The following AHNAK variants were observed in gnomAD, a reference collection of about 807,000 sequenced individuals.
The protein encoded by AHNAK is AHNAK nucleoprotein.
In AHNAK, 23 loss-of-function variants were observed where a neutral mutation model predicts 37.8. The observed-to-expected ratio is 0.61, with a 90% CI of 0.44 to 0.86. AHNAK has a LOEUF of 0.86. Among genes scored for constraint, AHNAK ranks in the 40% least tolerant of loss-of-function variants. The pLI is 0.00. For missense variants in AHNAK, 7,411 were observed against 7,319.4 expected, an observed-to-expected ratio of 1.01 and a Z score of -0.46; for synonymous variants, 2,481 against 2,636.3, an observed-to-expected ratio of 0.94 and a Z score of 1.80.
intron 5 of AHNAK, among the ~76,000 whole-genome samples, chr11:62,475,852 G>A (rs1447095366): frequency 2.0e-5 from 3 of 151,908 alleles, no homozygotes; most frequent in Non-Finnish European, 4.4e-5. Context: ...TGATCCGCCC[G>A]CCTCAGTCTC....
At chr11:62,453,629 T>C (rs1221277214) in intron 5 of AHNAK, among the ~76,000 whole-genome samples, 2 of 152,162 alleles carry the variant, frequency 1.3e-5, no homozygotes, top group African/African-American at 4.8e-5. Flanking sequence ...CATTCAAGGC[T>C]GTCTCAGTCC....
In AHNAK at chr11:62,537,022, C is replaced by T. The variant is rs11231131; in HGVS notation, c.-99-455G>A. ...CAGGCTGGAGTGCAATAGCGGATCT[C>T]GGCTCGCTGCAAGCTCCACCTCCCG... On this transcript the variant is annotated intron_variant, in intron 1 of 4. Coordinates refer to ENST00000378024, the MANE Select transcript of AHNAK (RefSeq NM_001620.3). Among the ~76,000 whole-genome samples the T allele has an allele frequency of 3.1e-4, 47 of 150,856 alleles. No individual in the cohort carries two copies. In the East Asian group the frequency reaches 4.7e-3, roughly 15 times the overall value.
At chr11:62,482,469 T>C (rs1320631381) in intron 5 of AHNAK, among the ~76,000 whole-genome samples, 1 of 152,068 alleles carries the variant, frequency 6.6e-6, no homozygotes. Context: ...TGGGTTCAAA[T>C]ACTGGCTTTG....
intron 4 of AHNAK, among the ~76,000 whole-genome samples, chr11:62,493,900 G>C (rs936713251): frequency 6.6e-6 from 1 of 152,066 alleles, no homozygotes; most frequent in African/African-American, 2.4e-5. Context: ...CTTCATTAGA[G>C]TTTTCTAGAT....
chr11:62,476,150 G>T (rs539699446), intron 5 of AHNAK, among the ~76,000 whole-genome samples: 1 of 152,274 alleles, frequency 6.6e-6, no homozygotes, highest in South Asian at 2.1e-4. Context: ...CTGGCCGGAC[G>T]GCTGAGGCAG....
At chr11:62,493,311 G>T (rs1486679689) in intron 4 of AHNAK, among the ~76,000 whole-genome samples, 4 of 147,916 alleles carry the variant, frequency 2.7e-5, no homozygotes, top group Non-Finnish European at 3.0e-5. Flanking sequence ...ATCATGCTCG[G>T]CCTGTTTTCT....
intron 4 of AHNAK, among the ~76,000 whole-genome samples, chr11:62,508,583 A>C (rs7123692): frequency 0.084 from 12,740 of 152,308 alleles, 1,203 homozygotes; most frequent in African/African-American, 0.23. Context: ...GTGTGGTGGA[A>C]AATAACAGAG....
Position 62,520,160 on chromosome 11 carries a change from G to C in AHNAK, c.14257C>G (p.Pro4753Ala), listed in dbSNP as rs1485364411. ...TTTGGGCCCTTGATGTCAGCTTCTGGGCCCTTGAGGTCACCTTCCACTTTA... is the reference window on the plus strand; with the variant it reads ...TTTGGGCCCTTGATGTCAGCTTCTGCGCCCTTGAGGTCACCTTCCACTTTA... Reference protein sequence around the residue: ...LPKVEGDLKGPEADIKGPKVD... With the variant: ...LPKVEGDLKGAEADIKGPKVD... Residue 4753 changes from proline to alanine, a missense_variant, in exon 5 of 5, where the codon CCA becomes GCA. Pro to Ala is a conservative substitution (Grantham distance 27). Transcript: ENST00000378024. The C allele has an allele frequency of 6.2e-7, 1 of 1,613,212 alleles. No individual in the cohort carries two copies. Among genetic ancestry groups the C allele is most frequent in the Non-Finnish European group, 8.5e-7 (1 of 1,179,914 alleles).
chr11:62,473,382 T>C (rs1590610523), intron 5 of AHNAK, among the ~76,000 whole-genome samples: 2 of 76,834 alleles, frequency 2.6e-5, no homozygotes, highest in East Asian at 4.3e-4. Flanking sequence ...AGGTCGAGAC[T>C]CCATCTAAAA....
chr11:62,517,603 G>C lies in AHNAK; in HGVS notation c.16814C>G (p.Ala5605Gly), dbSNP rs1460342919. Residue 5605 changes from alanine (A) to glycine (G), a missense_variant, in exon 5 of 5, where the codon GCT becomes GGT. Coordinates refer to ENST00000378024, the MANE Select transcript of AHNAK (RefSeq NM_001620.3). ...AAACTTAGATGTGTCCAAGTTGAGA[G>C]CAGAGGAGACTTGGGGTCCCTTCCA... ...GEWKGPQVSS[A>G]LNLDTSKFAG... The C allele has an allele frequency of 6.2e-7, 1 of 1,614,006 alleles. No individual in the cohort carries two copies. The highest frequency in any genetic ancestry group is 8.5e-7 in the Non-Finnish European group (1 of 1,180,040).
At position 62,476,867 on chromosome 11, in the gene AHNAK, C is replaced by G. The variant is rs371793342; in HGVS notation, c.442+14865G>C. Among the ~76,000 whole-genome samples the G allele has an allele frequency of 1.5e-4, 23 of 152,288 alleles. 1 individual carries two copies. In the East Asian group the frequency reaches 4.4e-3, roughly 29 times the overall value. Reference sequence around the variant, plus strand: ...CTGCTGCCAGTCTGATCCACTACAGCTTTCTGAATCCTGGCAAAACCATTA... The same window carrying G: ...CTGCTGCCAGTCTGATCCACTACAGGTTTCTGAATCCTGGCAAAACCATTA... On this transcript the variant is annotated intron_variant, in intron 5 of 5. Coordinates refer to the AHNAK transcript ENST00000257247.
chr11:62,528,527 C>G lies in AHNAK; in HGVS notation c.5890G>C (p.Glu1964Gln), dbSNP rs142236078. The change falls in exon 5 of 5, where the codon GAG becomes CAG. Residue 1964 changes from glutamate (E) to glutamine (Q), a missense_variant. Physicochemically the swap from Glu to Gln is conservative, Grantham distance 29. Coordinates refer to ENST00000378024, the MANE Select transcript of AHNAK (RefSeq NM_001620.3). ...AACTTTGCATCAGGACACTCCAGCT[C>G]AACATCAGGCACCTCCACACCCACA... ...PSVGVEVPDV[E>Q]LECPDAKLKG... The G allele has an allele frequency of 6.2e-7, 1 of 1,611,992 alleles. No homozygotes were observed. The highest frequency in any genetic ancestry group is 8.5e-7 in the Non-Finnish European group (1 of 1,179,686).
chr11:62,474,800 C>G (rs1207308581), intron 5 of AHNAK, among the ~76,000 whole-genome samples: 1 of 152,142 alleles, frequency 6.6e-6, no homozygotes, highest in African/African-American at 2.4e-5. Flanking sequence ...AAACAATGTC[C>G]CAACATCCTG....
chr11:62,531,897 C>T lies in AHNAK; in HGVS notation c.2520G>A (p.Met840Ile), dbSNP rs373830353. 1.2e-5 allele frequency: 19 copies of T among 1,613,224 alleles called. No homozygotes were observed. Among genetic ancestry groups the T allele is most frequent in the Non-Finnish European group, 1.5e-5 (18 of 1,179,884 alleles). The change falls in exon 5 of 5, where the codon ATG becomes ATA. Residue 840 changes from methionine to isoleucine, a missense_variant. Transcript: ENST00000378024. ...CTTTAATCTCACTTTCAACCTTTGG[C>T]ATTGTGACATCATATTCTCCCTTTA... ...PNVKGEYDVT[M>I]PKVESEIKVP...
chr11:62,441,974 C>G (rs1938316124), intron 5 of AHNAK, among the ~76,000 whole-genome samples: 1 of 152,114 alleles, frequency 6.6e-6, no homozygotes, highest in Non-Finnish European at 1.5e-5. Flanking sequence ...GGTGGGGTCA[C>G]AAGTCGGCGC....
rs201141229 is a variant in AHNAK, at chr11:62,528,310, T to A, written c.6107A>T (p.Asp2036Val). The A allele has an allele frequency of 2.5e-6, 4 of 1,614,106 alleles. No homozygotes were observed. Among genetic ancestry groups the A allele is most frequent in the Non-Finnish European group, 3.4e-6 (4 of 1,180,048 alleles). ...CCAGTCTGGGCCATGAACATCCACA[T>A]CTGGGGCATCAATGTCCATTTTGGG... ...KGPKMDIDAP[D>V]VDVHGPDWHL... The change falls in exon 5 of 5, where the codon GAT (aspartate) becomes GTT (valine). Residue 2036 changes from aspartate to valine, a missense_variant. Physicochemically the swap from Asp to Val is radical, Grantham distance 152. Coordinates refer to ENST00000378024, the MANE Select transcript of AHNAK (RefSeq NM_001620.3).
At chr11:62,543,750 GGGACGAAGAGAAGTCAGAA>G (rs1403446219) in intron 1 of AHNAK, among the ~76,000 whole-genome samples, 7 of 152,156 alleles carry the variant, frequency 4.6e-5, no homozygotes, top group Non-Finnish European at 1.0e-4. Flanking sequence ...GAATCGATGG[GGGACGAAGAGAAGTCAGAA>G]GGCCCTCCAT....
rs777799739 is a variant in AHNAK at position 62,524,462 on chromosome 11, C to T, written c.9955G>A (p.Glu3319Lys). Reference protein sequence around the residue: ...GDVDVSGPKLEGDIKAPSLDI... With the variant: ...GDVDVSGPKLKGDIKAPSLDI... ...AAACTGGGAGCTTTAATGTCACCTT[C>T]CAACTTGGGCCCAGAGACATCAACA... Residue 3319 changes from glutamate to lysine, a missense_variant, in exon 5 of 5, where the codon GAA (glutamate) becomes AAA (lysine). Glu to Lys is a moderately conservative substitution (Grantham distance 56, BLOSUM62 1). Transcript: ENST00000378024. 3 of 1,614,066 alleles carry T rather than the reference C, an allele frequency of 1.9e-6. No homozygotes were observed. The highest frequency in any genetic ancestry group is 2.5e-6 in the Non-Finnish European group (3 of 1,180,000).
Position 62,529,804 on chromosome 11 carries a change from T to G in AHNAK, c.4613A>C (p.Asp1538Ala), listed in dbSNP as rs750036106. 19 of 1,614,154 alleles carry G rather than the reference T, an allele frequency of 1.2e-5. No homozygotes were observed. The South Asian group carries it at 2.0e-4, about 17-fold the overall frequency. The change falls in exon 5 of 5, where the codon GAC becomes GCC. Residue 1538 changes from aspartate (D) to alanine (A), a missense_variant. By Grantham distance (126) the Asp-to-Ala change is moderately radical. Coordinates refer to ENST00000378024, the MANE Select transcript of AHNAK (RefSeq NM_001620.3). ...CACCTTGGGTCCTGAAACACCAAGG[T>G]CAGCCTTGGGCAGGTTCATATCCAC... ...PEVDMNLPKA[D>A]LGVSGPKVDI...
Sources: allele counts gnomAD v4.1 joint callset (sites outside exome capture counted in the v4.1 genomes callset), GRCh38; gene constraint gnomAD v4.1.1; transcripts MANE v1.5; gene names NCBI Gene and HGNC (gene_info 2026-07-23, HGNC 2026-07-21).